NAALADL2: variants seen among roughly 807,000 people sequenced by gnomAD.
NAALADL2 encodes N-acetylated alpha-linked acidic dipeptidase like 2, also known as inactive N-acetylated-alpha-linked acidic dipeptidase-like protein 2.
NAALADL2 carries 76 observed loss-of-function variants against 87.2 expected under a neutral mutation model. The observed-to-expected ratio is 0.87, with a 90% CI of 0.72 to 1.05. The LOEUF (loss-of-function observed/expected upper bound fraction) is 1.05. Ranked by LOEUF, NAALADL2 falls within the 50% of genes least tolerant of loss-of-function variation. The probability of loss-of-function intolerance (pLI) is 0.00; values close to 1 mark genes in which losing one functional copy is unlikely to be tolerated. For missense variants in NAALADL2, 1,089 were observed against 945.8 expected (o/e 1.15, Z -1.99); for synonymous variants, 354 against 331.0 (o/e 1.07, Z -0.75).
chr3:175,292,985 C>T (rs1188593529), intron 4 of NAALADL2, among the ~76,000 whole-genome samples: 1 of 128,614 alleles, frequency 7.8e-6, no homozygotes, highest in African/African-American at 3.1e-5. Flanking sequence ...TGCAATGAGC[C>T]GAGATAGCGC....
At chr3:175,699,255 T>G (rs1457526786) in intron 11 of NAALADL2, among the ~76,000 whole-genome samples, 4 of 151,930 alleles carry the variant, frequency 2.6e-5, no homozygotes, top group Non-Finnish European at 5.9e-5. Context: ...TTGAGAACCA[T>G]AAATCTTAAT....
chr3:175,667,243 A>AAAGAAAGAAAG (rs1560943730), intron 11 of NAALADL2, among the ~76,000 whole-genome samples: 54 of 105,150 alleles, frequency 5.1e-4, no homozygotes, highest in Non-Finnish European at 8.0e-4. Context: ...AAGAAAGAAA[A>AAAGAAAGAAAG]AGAAAGAAAG....
At chr3:174,450,621 C>G (rs887035611) in intron 1 of NAALADL2, among the ~76,000 whole-genome samples, 1 of 151,980 alleles carries the variant, frequency 6.6e-6, no homozygotes, top group Non-Finnish European at 1.5e-5. Flanking sequence ...CCTGTAATCC[C>G]AGCACTTTGG....
chr3:175,247,254 C>T (rs1748157190), intron 3 of NAALADL2, among the ~76,000 whole-genome samples: 1 of 137,020 alleles, frequency 7.3e-6, no homozygotes, highest in South Asian at 2.5e-4. Flanking sequence ...AATAAAGAAG[C>T]AAATTATGTG....
At chr3:174,807,869 T>TTGTG (rs374956917) in intron 3 of NAALADL2, among the ~76,000 whole-genome samples, 73 of 149,926 alleles carry the variant, frequency 4.9e-4, no homozygotes, top group African/African-American at 1.0e-3. Flanking sequence ...ATTATTTTCA[T>TTGTG]TGTGTGTGTG....
At chr3:175,190,950 C>T (rs1379597988) in intron 2 of NAALADL2, among the ~76,000 whole-genome samples, 2 of 147,282 alleles carry the variant, frequency 1.4e-5, no homozygotes. Context: ...TGCACTCCAG[C>T]CTGGGCAACA....
At chr3:175,776,464 C>A (rs976288940) in intron 13 of NAALADL2, 1 of 152,108 alleles carries the variant, frequency 6.6e-6, no homozygotes, top group African/African-American at 2.4e-5. Context: ...TTTGTTTGGA[C>A]CTCTCTGACC....
intron 2 of NAALADL2, among the ~76,000 whole-genome samples, chr3:174,646,958 T>C (rs1723854925): frequency 6.6e-6 from 1 of 152,172 alleles, no homozygotes; most frequent in Admixed American, 6.6e-5. Context: ...CACCAGTTTT[T>C]AATGGTACAT....
rs141535452 is a variant in NAALADL2 at position 175,680,019 on chromosome 3, C to A, written c.1896+52633C>A. ...AAAAAAAAGTTGAGGAAAAAAGATT[C>A]TCCTTACCTTAGGATGAAATTTTCA... On this transcript the variant is annotated intron_variant, in intron 11 of 13. Transcript: ENST00000454872. Among the ~76,000 whole-genome samples, 442 of 152,250 alleles carry A rather than the reference C, an allele frequency of 2.9e-3. 2 individuals carry two copies. Among genetic ancestry groups the A allele is most frequent in the African/African-American group, 9.7e-3 (402 of 41,556 alleles).
chr3:174,677,531 A>C (rs949864608), intron 2 of NAALADL2, among the ~76,000 whole-genome samples: 1 of 152,100 alleles, frequency 6.6e-6, no homozygotes, highest in African/African-American at 2.4e-5. Context: ...GTTATGTTCT[A>C]TGAAGTCAAA....
chr3:175,558,537 A>G lies in NAALADL2; in HGVS notation c.1654-17504A>G, dbSNP rs535876464. Among the ~76,000 whole-genome samples, 275 of 152,266 alleles carry G rather than the reference A, an allele frequency of 1.8e-3. 2 individuals carry two copies. Among genetic ancestry groups the G allele is most frequent in the Non-Finnish European group, 2.1e-3 (146 of 68,018 alleles). Reference sequence around the variant, plus strand: ...GAGAGTTTCTGCAATGTTTTCTTTTAGCAGTTTCATAGTTGGAAGTCTCAG... The same window carrying G: ...GAGAGTTTCTGCAATGTTTTCTTTTGGCAGTTTCATAGTTGGAAGTCTCAG... On this transcript the variant is annotated intron_variant, in intron 9 of 13. Coordinates refer to ENST00000454872, the MANE Select transcript of NAALADL2 (RefSeq NM_207015.3).
At chr3:175,797,632 C>T (rs1474475443) in intron 13 of NAALADL2, among the ~76,000 whole-genome samples, 1 of 151,970 alleles carries the variant, frequency 6.6e-6, no homozygotes, top group Non-Finnish European at 1.5e-5. Flanking sequence ...TTGGTCAGTT[C>T]CTAGTCTTTC....
At chr3:175,341,812 T>G (rs974307777) in intron 5 of NAALADL2, among the ~76,000 whole-genome samples, 1 of 152,140 alleles carries the variant, frequency 6.6e-6, no homozygotes, top group African/African-American at 2.4e-5. Context: ...TAGTTTTAGC[T>G]CTCACATTTA....
At chr3:175,727,759 T>C (rs1445272088) in intron 11 of NAALADL2, among the ~76,000 whole-genome samples, 1 of 152,244 alleles carries the variant, frequency 6.6e-6, no homozygotes, top group African/African-American at 2.4e-5. Context: ...CCTTCACAAA[T>C]GTAAGCAGTG....
intron 1 of NAALADL2, among the ~76,000 whole-genome samples, chr3:174,974,865 T>C (rs569045262): frequency 9.7e-4 from 147 of 152,256 alleles, no homozygotes; most frequent in South Asian, 1.7e-3. Flanking sequence ...TTGTGATTTT[T>C]ATGATGTGGT....
At chr3:174,903,065 TC>T (rs1424658492) in intron 1 of NAALADL2, among the ~76,000 whole-genome samples, 1 of 151,726 alleles carries the variant, frequency 6.6e-6, no homozygotes, top group Non-Finnish European at 1.5e-5. Context: ...TCTCAAGTTT[TC>T]CCCCCCAAAT....
chr3:174,829,363 GTGTT>G (rs1230503034), intron 3 of NAALADL2, among the ~76,000 whole-genome samples: 1 of 150,516 alleles, frequency 6.6e-6, no homozygotes, highest in Non-Finnish European at 1.5e-5. Flanking sequence ...AGAATATGCG[GTGTT>G]TGTTTTTTTG....
chr3:174,971,575 T>C (rs1743644039), intron 1 of NAALADL2, among the ~76,000 whole-genome samples: 1 of 152,260 alleles, frequency 6.6e-6, no homozygotes, highest in Non-Finnish European at 1.5e-5. Context: ...AAATTTTATG[T>C]CTTGCTTTTA....
At chr3:175,754,980 T>A (rs1336647543) in intron 12 of NAALADL2, among the ~76,000 whole-genome samples, 2 of 152,164 alleles carry the variant, frequency 1.3e-5, no homozygotes, top group African/African-American at 4.8e-5. Context: ...ATAAATATAT[T>A]CTCAAAGTTC....
Sources: allele counts gnomAD v4.1 joint callset (sites outside exome capture counted in the v4.1 genomes callset), GRCh38; gene constraint gnomAD v4.1.1; transcripts MANE v1.5; gene names NCBI Gene and HGNC (gene_info 2026-07-23, HGNC 2026-07-21).